PPP1R14C: variants seen among roughly 807,000 people sequenced by gnomAD.
PPP1R14C encodes the protein protein phosphatase 1 regulatory subunit 14C.
A neutral mutation model predicts 20.4 loss-of-function variants in PPP1R14C; 16 were observed. The ratio of observed to expected loss-of-function variants is 0.78; its 90% confidence interval spans 0.53 to 1.19. The LOEUF (loss-of-function observed/expected upper bound fraction) is 1.19. Among genes scored for constraint, PPP1R14C ranks in the 50% most tolerant of loss-of-function variants. The probability of loss-of-function intolerance (pLI) is 0.00; values close to 1 mark genes in which losing one functional copy is unlikely to be tolerated. For missense variants in PPP1R14C, 211 were observed against 220.1 expected, an observed-to-expected ratio of 0.96 and a Z score of 0.26; for synonymous variants, 91 against 91.0, an observed-to-expected ratio of 1.00 and a Z score of 0.00.
chr6:150,242,159 A>G (rs1273606673), intron 3 of PPP1R14C, among the ~76,000 whole-genome samples: 1 of 152,170 alleles, frequency 6.6e-6, no homozygotes, highest in Non-Finnish European at 1.5e-5. Context: ...AAAACCCTCT[A>G]GGCCCAGATG....
chr6:150,187,647 A>G (rs1777693923), intron 1 of PPP1R14C, among the ~76,000 whole-genome samples: 2 of 152,212 alleles, frequency 1.3e-5, no homozygotes, highest in African/African-American at 4.8e-5. Context: ...ATGGCTGCGT[A>G]GTATTCTATG....
intron 3 of PPP1R14C, among the ~76,000 whole-genome samples, chr6:150,227,984 A>G (rs1778249120): frequency 6.6e-6 from 1 of 152,202 alleles, no homozygotes; most frequent in Admixed American, 6.5e-5. Context: ...CCCAGGTAAA[A>G]GAGCCGTACG....
rs1778525657 is a variant in PPP1R14C at position 150,248,859 on chromosome 6, G to A, written c.*39G>A. ...TGAAACTCTCCCAGAGACGAAGAAA[G>A]AGTCCTGGGATTTGTACTTCATGAA... On this transcript the variant is annotated 3_prime_UTR_variant, in exon 4 of 4. Coordinates refer to ENST00000361131, the MANE Select transcript of PPP1R14C (RefSeq NM_030949.3). 1 of 1,361,110 alleles carries A rather than the reference G, an allele frequency of 7.3e-7. No homozygotes were observed. Among genetic ancestry groups the A allele is most frequent in the Non-Finnish European group, 1.0e-6 (1 of 958,806 alleles). The allele number at this position is 1,361,110 out of a possible 1,614,324, so 84.3% of individuals were successfully genotyped here.
At chr6:150,171,206 A>G (rs1453506009) in intron 1 of PPP1R14C, among the ~76,000 whole-genome samples, 1 of 152,210 alleles carries the variant, frequency 6.6e-6, no homozygotes. Flanking sequence ...ATGGTAGTTT[A>G]CAGAGGAGTT....
At chr6:150,171,859 GC>G (rs1777503534) in intron 1 of PPP1R14C, among the ~76,000 whole-genome samples, 1 of 151,930 alleles carries the variant, frequency 6.6e-6, no homozygotes, top group South Asian at 2.1e-4. Context: ...AGGCTGGAGT[GC>G]AGTGGTGCGG....
chr6:150,194,430 A>T (rs1050389090), intron 1 of PPP1R14C: 90 of 982,986 alleles, frequency 9.2e-5, no homozygotes, highest in Non-Finnish European at 1.0e-4. Flanking sequence ...GTACAAAATG[A>T]TACTGTAAAC....
At chr6:150,215,701 C>T (rs1390192804) in intron 2 of PPP1R14C, among the ~76,000 whole-genome samples, 6 of 152,120 alleles carry the variant, frequency 3.9e-5, no homozygotes, top group East Asian at 3.9e-4. Context: ...AAAAAGATAA[C>T]GCAGGTATCA....
chr6:150,230,339 C>T lies in PPP1R14C; in HGVS notation c.423+13483C>T, dbSNP rs142034255. 9.5e-4 allele frequency among the ~76,000 whole-genome samples: 144 copies of T among 152,290 alleles called. 2 individuals carry two copies. Among genetic ancestry groups the T allele is most frequent in the African/African-American group, 3.3e-3 (136 of 41,560 alleles). ...CAGGAAACTCACCATGGAGTTGACT[C>T]AATTTGCTGTAAGTTGGCAGCCAGC... On this transcript the variant is annotated intron_variant, in intron 3 of 3. Transcript: ENST00000361131.
intron 3 of PPP1R14C, among the ~76,000 whole-genome samples, chr6:150,247,034 A>G (rs1778501030): frequency 6.6e-6 from 1 of 152,216 alleles, no homozygotes; most frequent in African/African-American, 2.4e-5. Flanking sequence ...GAAAAAACAC[A>G]TATTACTTTT....
intron 3 of PPP1R14C, among the ~76,000 whole-genome samples, chr6:150,226,438 G>T (rs1472141612): frequency 1.3e-5 from 2 of 152,188 alleles, no homozygotes; most frequent in African/African-American, 4.8e-5. Flanking sequence ...GGGTCTGGAA[G>T]CCTGCTAGCC....
At chr6:150,162,135 A>T (rs1325997674) in intron 1 of PPP1R14C, among the ~76,000 whole-genome samples, 1 of 151,436 alleles carries the variant, frequency 6.6e-6, no homozygotes, top group Non-Finnish European at 1.5e-5. Flanking sequence ...GCTCACTGCA[A>T]CCTCTGCCTC....
At chr6:150,215,428 G>A (rs974814961) in intron 2 of PPP1R14C, among the ~76,000 whole-genome samples, 3 of 152,110 alleles carry the variant, frequency 2.0e-5, no homozygotes, top group Admixed American at 6.5e-5. Flanking sequence ...TTTTAAATCT[G>A]CTTTTGGGAG....
chr6:150,196,880 T>C (rs897118399), intron 1 of PPP1R14C, among the ~76,000 whole-genome samples: 52 of 152,340 alleles, frequency 3.4e-4, no homozygotes, highest in African/African-American at 1.2e-3. Context: ...AATTTTATTC[T>C]ACACTACTTG....
rs754795537 is a variant in PPP1R14C at position 150,153,942 on chromosome 6, T to C, written c.306+10444T>C. 2.3e-4 allele frequency among the ~76,000 whole-genome samples: 35 copies of C among 152,202 alleles called. 1 individual carries two copies. The highest frequency in any genetic ancestry group is 1.4e-3 in the Admixed American group (22 of 15,284). On this transcript the variant is annotated intron_variant, in intron 1 of 3. Transcript: ENST00000361131. ...GGGGTTATAAAAAGCTTCACCCTTT[T>C]AAACTGTGTAAGGGAAAAAGTAGAA...
chr6:150,145,463 A>C (rs1273434670), intron 1 of PPP1R14C, among the ~76,000 whole-genome samples: 5 of 152,212 alleles, frequency 3.3e-5, no homozygotes, highest in African/African-American at 1.2e-4. Flanking sequence ...AAGAGAAATA[A>C]TTAGGTTGTT....
rs1777883296 is a variant in PPP1R14C at position 150,201,982 on chromosome 6, C to T, written c.307-12762C>T. On this transcript the variant is annotated intron_variant, in intron 1 of 3. Coordinates refer to ENST00000361131, the MANE Select transcript of PPP1R14C (RefSeq NM_030949.3). This position sits in a 1 kb window ranked among gnomAD's most constrained non-coding sequence, Gnocchi z 4.2. The stretch of plus-strand genomic sequence containing the variant: ...AATTTACAAAGAAGCATGCCCTTTG[C>T]TCTGCTCATTTCACAAGGCAGCTCT... 6.6e-6 allele frequency among the ~76,000 whole-genome samples: 1 copy of T among 152,196 alleles called. No homozygotes were observed. Among genetic ancestry groups the T allele is most frequent in the African/African-American group, 2.4e-5 (1 of 41,446 alleles).
chr6:150,197,397 G>A (rs546322199), intron 1 of PPP1R14C, among the ~76,000 whole-genome samples: 1 of 152,350 alleles, frequency 6.6e-6, no homozygotes, highest in East Asian at 1.9e-4. Flanking sequence ...TGGCCTCAGA[G>A]CTCTGGCTCC....
rs1053830548 is a variant in PPP1R14C, at chr6:150,232,094, G to T, written c.423+15238G>T. On this transcript the variant is annotated intron_variant, in intron 3 of 3. Transcript: ENST00000361131. ...ATTGAACTCATGATTTCTACACCTGGTATTGCTAAGTGTTAAAAATTTTGC... is the reference window on the plus strand; with the variant it reads ...ATTGAACTCATGATTTCTACACCTGTTATTGCTAAGTGTTAAAAATTTTGC... 2.8e-4 allele frequency among the ~76,000 whole-genome samples: 42 copies of T among 152,116 alleles called. 1 individual carries two copies. The highest frequency in any genetic ancestry group is 8.8e-5 in the Non-Finnish European group (6 of 68,020).
rs1296074048 is a variant in PPP1R14C at position 150,239,908 on chromosome 6, G to T, written c.424-8838G>T. 2.0e-5 allele frequency among the ~76,000 whole-genome samples: 3 copies of T among 152,186 alleles called. No homozygotes were observed. The East Asian group carries it at 5.8e-4, about 29-fold the overall frequency. Reference sequence around the variant, plus strand: ...TCTCTACAAAAAATATAAAAAATTAGCTGGGCGTGGTGGTGCATGCCTGTA... The same window carrying T: ...TCTCTACAAAAAATATAAAAAATTATCTGGGCGTGGTGGTGCATGCCTGTA... On this transcript the variant is annotated intron_variant, in intron 3 of 3. Coordinates refer to ENST00000361131, the MANE Select transcript of PPP1R14C (RefSeq NM_030949.3).
Sources: gnomAD v4.1 joint callset for allele counts (sites outside exome capture counted in the v4.1 genomes callset) on GRCh38, gnomAD v4.1.1 for gene constraint, Gnocchi (gnomAD v3.1) non-coding constraint, MANE v1.5 for transcripts, NCBI Gene and HGNC (gene_info 2026-07-23, HGNC 2026-07-21) for gene names.